The following KLHL20 variants were observed in gnomAD, a reference collection of about 807,000 sequenced individuals.
The protein encoded by KLHL20 is kelch-like protein 20.
In KLHL20, 29 loss-of-function variants were observed where a neutral mutation model predicts 69.5. The ratio of observed to expected loss-of-function variants is 0.42; its 90% CI spans 0.31 to 0.57. The LOEUF is 0.57. KLHL20 is among the 20% of genes least tolerant of loss of function. The pLI is 0.18. For synonymous variants in KLHL20, 253 were observed against 265.2 expected, an observed-to-expected ratio of 0.95 and a Z score of 0.45; for missense variants, 419 against 776.0, an observed-to-expected ratio of 0.54 and a Z score of 5.47.
At chr1:173,765,752 C>T (rs951388945) in intron 7 of KLHL20, among the ~76,000 whole-genome samples, 4 of 151,928 alleles carry the variant, frequency 2.6e-5, no homozygotes, top group Non-Finnish European at 4.4e-5. Context: ...AAAAGCAGTG[C>T]CTACTGTGGT....
chr1:173,717,450 TACTC>T (rs920132316), intron 2 of KLHL20, among the ~76,000 whole-genome samples: 13 of 152,232 alleles, frequency 8.5e-5, no homozygotes, highest in Admixed American at 7.9e-4. Context: ...GAGCCTAGCC[TACTC>T]ACATTGGTCT....
intron 2 of KLHL20, among the ~76,000 whole-genome samples, chr1:173,725,408 C>G (rs747617571): frequency 4.6e-5 from 7 of 152,048 alleles, no homozygotes; most frequent in Admixed American, 4.6e-4. Context: ...ATCCAGTGAT[C>G]CATTCTATTC....
intron 2 of KLHL20, among the ~76,000 whole-genome samples, chr1:173,718,247 A>G (rs1384656840): frequency 1.3e-5 from 2 of 151,946 alleles, no homozygotes; most frequent in Non-Finnish European, 2.9e-5. Context: ...AGCTTTTAAA[A>G]AGAAAAGATG....
At chr1:173,739,644 CCCTTT>C (rs1439121178) in intron 3 of KLHL20, among the ~76,000 whole-genome samples, 2 of 116,062 alleles carry the variant, frequency 1.7e-5, no homozygotes, top group African/African-American at 3.4e-5. Flanking sequence ...TGTAATATCT[CCCTTT>C]TTTTTTTTTT....
At chr1:173,726,394 G>T (rs1057252436) in intron 2 of KLHL20, among the ~76,000 whole-genome samples, 3 of 152,032 alleles carry the variant, frequency 2.0e-5, no homozygotes, top group Admixed American at 6.5e-5. Context: ...CAGCTTTGAA[G>T]AGAGTAGTGG....
At chr1:173,715,170 C>T (rs1400141797) in intron 1 of KLHL20, 92 bp downstream of exon 1, 1 of 152,412 alleles carries the variant, frequency 6.6e-6, no homozygotes, top group Admixed American at 6.5e-5. Context: ...CTGAGCTGCC[C>T]CATGGGGTCA....
intron 3 of KLHL20, chr1:173,734,578 A>G: frequency 2.9e-6 from 1 of 349,400 alleles, no homozygotes; most frequent in Non-Finnish European, 5.3e-6. Context: ...TCACAAGAGG[A>G]TCTATGCCTG....
intron 2 of KLHL20, among the ~76,000 whole-genome samples, chr1:173,722,846 C>T (rs999529540): frequency 6.6e-6 from 1 of 152,088 alleles, no homozygotes; most frequent in South Asian, 2.1e-4. Context: ...TGCGCCACCA[C>T]ATCCAGCTAA....
Position 173,774,326 on chromosome 1 carries a change from G to C in KLHL20, c.1317G>C (p.Lys439Asn). Residue 439 changes from lysine to asparagine, a missense_variant, in exon 9 of 12, where the codon AAG becomes AAC. Lys to Asn is a moderately conservative substitution (Grantham distance 94, BLOSUM62 0). Around this residue, in one of 6 missense-constraint regions of KLHL20, gnomAD observed 56 missense variants for 75.9 expected, o/e 0.74. Coordinates refer to ENST00000209884, the MANE Select transcript of KLHL20 (RefSeq NM_014458.4). The stretch of plus-strand genomic sequence containing the variant: ...GCAGGTATGATCCGAAGGAGAACAA[G>C]TGGACTCGGGTAGCTTCTATGAGTA... Reference protein sequence around the residue: ...IVERYDPKENKWTRVASMSTR... With the variant: ...IVERYDPKENNWTRVASMSTR... The C allele has an allele frequency of 3.1e-6, 5 of 1,614,160 alleles. No individual in the cohort carries two copies. Among genetic ancestry groups the C allele is most frequent in the Non-Finnish European group, 4.2e-6 (5 of 1,180,024 alleles).
At chr1:173,747,301 T>C (rs1673107704) in intron 3 of KLHL20, among the ~76,000 whole-genome samples, 1 of 152,060 alleles carries the variant, frequency 6.6e-6, no homozygotes, top group Non-Finnish European at 1.5e-5. Context: ...GTGTGTCTAT[T>C]TCTCTTTATA....
intron 8 of KLHL20, among the ~76,000 whole-genome samples, chr1:173,772,297 C>G (rs976460237): frequency 6.6e-6 from 1 of 152,130 alleles, no homozygotes; most frequent in Admixed American, 6.5e-5. Context: ...TGTCAAAGAC[C>G]GCTAAGAGTC....
intron 9 of KLHL20, among the ~76,000 whole-genome samples, chr1:173,774,870 C>T (rs929066690): frequency 6.6e-6 from 1 of 152,034 alleles, no homozygotes; most frequent in African/African-American, 2.4e-5. Flanking sequence ...GAGTCCAGTG[C>T]CACAATCTTG....
chr1:173,776,676 G>A (rs565348346), intron 10 of KLHL20, among the ~76,000 whole-genome samples: 68 of 152,246 alleles, frequency 4.5e-4, no homozygotes, highest in African/African-American at 1.5e-3. Flanking sequence ...TGAAGAGATT[G>A]TCCTTTCCCC....
chr1:173,766,747 T>C (rs1558216086), intron 8 of KLHL20, among the ~76,000 whole-genome samples: 1 of 152,080 alleles, frequency 6.6e-6, no homozygotes. Context: ...AAGTCTTCAG[T>C]TGATCTTAAA....
intron 3 of KLHL20, among the ~76,000 whole-genome samples, chr1:173,743,713 G>A (rs1014306937): frequency 3.3e-5 from 5 of 151,950 alleles, no homozygotes; most frequent in Admixed American, 2.6e-4. Context: ...TCCGTCTTGT[G>A]TTTCCTTTTG....
chr1:173,719,355 G>A (rs1671614385), intron 2 of KLHL20, among the ~76,000 whole-genome samples: 1 of 152,042 alleles, frequency 6.6e-6, no homozygotes, highest in African/African-American at 2.4e-5. Flanking sequence ...GCTCACACCT[G>A]TAATCCCAGC....
rs752624359 is a variant in KLHL20 at position 173,755,999 on chromosome 1, C to T, written c.928C>T (p.Pro310Ser). The change falls in exon 6 of 12, where the codon CCA becomes TCA. Residue 310 changes from proline (P) to serine (S), a missense_variant. This residue lies in a region of KLHL20 where 99 missense variants were observed against 240.7 expected (regional missense o/e 0.41). Transcript: ENST00000209884. ...ACTAATGCAAGGACCAAGGACGAGACCACGGAAACCTATCCGATGTGGGGA... is the reference window on the plus strand; with the variant it reads ...ACTAATGCAAGGACCAAGGACGAGATCACGGAAACCTATCCGATGTGGGGA... Reference protein sequence around the residue: ...RPLMQGPRTRPRKPIRCGEVL... With the variant: ...RPLMQGPRTRSRKPIRCGEVL... 3 of 1,613,960 alleles carry T rather than the reference C, an allele frequency of 1.9e-6. No homozygotes were observed. Among genetic ancestry groups the T allele is most frequent in the Non-Finnish European group, 2.5e-6 (3 of 1,179,938 alleles).
At chr1:173,738,697 C>G (rs941003775) in intron 3 of KLHL20, among the ~76,000 whole-genome samples, 1 of 152,146 alleles carries the variant, frequency 6.6e-6, no homozygotes, top group South Asian at 2.1e-4. Context: ...GCATTTCAAT[C>G]ATAAATTGAT....
intron 9 of KLHL20, among the ~76,000 whole-genome samples, chr1:173,775,275 A>G (rs1648381784): frequency 6.6e-6 from 1 of 152,240 alleles, no homozygotes. Context: ...TTGTCTGATT[A>G]TGATGATAAA....
Sources: gnomAD v4.1 joint callset for allele counts (sites outside exome capture counted in the v4.1 genomes callset) on GRCh38, gnomAD v4.1.1 for gene constraint, gnomAD v4.1.1 regional missense constraint, MANE v1.5 for transcripts, NCBI Gene and HGNC (gene_info 2026-07-23, HGNC 2026-07-21) for gene names.